ZSCAN18: variants seen among roughly 807,000 people sequenced by gnomAD.
ZSCAN18 encodes zinc finger and SCAN domain-containing protein 18.
In ZSCAN18, 16 loss-of-function variants were observed where a neutral mutation model predicts 31.1. The observed-to-expected ratio is 0.51, with a 90% CI of 0.35 to 0.78. The LOEUF is 0.78. ZSCAN18 is among the 30% of genes least tolerant of loss of function. ZSCAN18 has a pLI of 0.01. For missense variants in ZSCAN18, 731 were observed against 697.4 expected (o/e 1.05, Z -0.54); for synonymous variants, 375 against 320.7 (o/e 1.17, Z -1.81).
upstream of ZSCAN18, among the ~76,000 whole-genome samples, chr19:58,103,075 T>C (rs558471173): frequency 2.0e-5 from 3 of 151,410 alleles, no homozygotes; most frequent in Non-Finnish European, 2.9e-5. Context: ...TGAGCCAAGA[T>C]AGCACCACTG....
chr19:58,112,583 G>A (rs1049921291), intron 1 of ZSCAN18, among the ~76,000 whole-genome samples: 8 of 150,532 alleles, frequency 5.3e-5, no homozygotes, highest in African/African-American at 1.7e-4. Flanking sequence ...CCCAGGAGGC[G>A]GAGATTGCAG....
At chr19:58,104,946 G>C (rs188415) in intron 1 of ZSCAN18, among the ~76,000 whole-genome samples, 34,722 of 152,142 alleles carry the variant, frequency 0.23, 4,855 homozygotes, top group African/African-American at 0.4. Context: ...AGAAATGCCA[G>C]GTAGTGTTTT....
At chr19:58,085,504 C>A in intron 6 of ZSCAN18, 125 bp from the exon 7 acceptor site, 2 of 852,168 alleles carry the variant, frequency 2.3e-6, no homozygotes, top group Non-Finnish European at 3.5e-6. Context: ...GCGGGGCTCA[C>A]GGCTGTTTGG....
intron 1 of ZSCAN18, among the ~76,000 whole-genome samples, chr19:58,094,404 C>G (rs2074480552): frequency 1.4e-5 from 2 of 143,660 alleles, no homozygotes; most frequent in Non-Finnish European, 3.1e-5. Flanking sequence ...GAGTGAGACT[C>G]TGTCTCAAAA....
intron 3 of ZSCAN18, chr19:58,087,714 C>T: frequency 3.9e-6 from 1 of 254,424 alleles, no homozygotes; most frequent in Non-Finnish European, 7.7e-6. Context: ...GTGGCATGAT[C>T]TTGGCTCACT....
rs2074220888 is a variant in ZSCAN18, at chr19:58,084,610, G to A, written c.*75C>T. 11 of 1,363,846 alleles carry A rather than the reference G, an allele frequency of 8.1e-6. No individual in the cohort carries two copies. In the South Asian group the frequency reaches 1.1e-4, roughly 13 times the overall value. 84.5% of individuals were successfully genotyped at this position (1,363,846 alleles called of 1,614,324 possible). A position where few individuals can be genotyped will look rare whatever the true frequency, so the allele number is the denominator to read the frequency against. On this transcript the variant is annotated 3_prime_UTR_variant, in exon 7 of 7. Coordinates refer to ENST00000601144, the MANE Select transcript of ZSCAN18 (RefSeq NM_001145543.2). This position sits in a 1 kb window ranked among gnomAD's most constrained non-coding sequence, Gnocchi z 4.5. ...CCACAGGAAGCCGCCACCCAGGGGC[G>A]TGGAAAGGCCCAATGCCTCGTCTGG...
chr19:58,118,267 C>G (rs1304517871), exon 1 of ZSCAN18: 4 of 1,442,406 alleles, frequency 2.8e-6, no homozygotes, highest in Non-Finnish European at 3.7e-6. Context: ...TTGACCCCAC[C>G]CTCACTAGGC....
chr19:58,115,411 CATAA>C (rs1337144672), intron 1 of ZSCAN18, among the ~76,000 whole-genome samples: 2 of 152,132 alleles, frequency 1.3e-5, no homozygotes, highest in African/African-American at 4.8e-5. Flanking sequence ...ATCTGGAAAA[CATAA>C]ATAAGTACAA....
chr19:58,112,097 C>A (rs1186798129), intron 1 of ZSCAN18, among the ~76,000 whole-genome samples: 1 of 152,072 alleles, frequency 6.6e-6, no homozygotes. Flanking sequence ...TGCAGTGGTG[C>A]AATCATGGCT....
At chr19:58,111,523 G>GT (rs755573057) in intron 1 of ZSCAN18, among the ~76,000 whole-genome samples, 1 of 150,388 alleles carries the variant, frequency 6.6e-6, no homozygotes, top group Non-Finnish European at 1.5e-5. Flanking sequence ...TTATAAAGTT[G>GT]TTTTTTTGTT....
At position 58,090,594 on chromosome 19, in the gene ZSCAN18, A is replaced by ATT; in HGVS notation, c.-119-210_-119-209dup. On this transcript the variant is annotated intron_variant, in intron 1 of 6. Transcript: ENST00000601144. This position sits in a 1 kb window ranked among gnomAD's most constrained non-coding sequence, Gnocchi z 4.7. The stretch of plus-strand genomic sequence containing the variant: ...GTAACTCATTCTGTGCATTACCAGA[A>ATT]TTTTTTTTTCTTTGAGACCGAGTCA... 2.2e-6 allele frequency: 1 copy of ATT among 455,810 alleles called. No individual in the cohort carries two copies. Among genetic ancestry groups the ATT allele is most frequent in the Non-Finnish European group, 3.8e-6 (1 of 266,182 alleles). The allele number at this position is 455,810 out of a possible 1,614,324, so 28.2% of individuals were successfully genotyped here.
chr19:58,108,577 C>A, intron 1 of ZSCAN18: 1 of 985,918 alleles, frequency 1.0e-6, no homozygotes, highest in Non-Finnish European at 1.2e-6. Context: ...GGATTTTCCA[C>A]AGTCATTACA....
intron 1 of ZSCAN18, among the ~76,000 whole-genome samples, chr19:58,113,564 G>A (rs572499956): frequency 6.6e-6 from 1 of 152,130 alleles, no homozygotes; most frequent in Non-Finnish European, 1.5e-5. Context: ...CCTTATTTAG[G>A]AACAGGGGAG....
chr19:58,098,249 T>G (rs111396528), upstream of ZSCAN18: 2,937 of 985,494 alleles, frequency 3.0e-3, 56 homozygotes, highest in African/African-American at 0.047. Context: ...AAACTGCGCC[T>G]GCGCACTGGG....
chr19:58,094,551 A>C (rs917102679), intron 1 of ZSCAN18, among the ~76,000 whole-genome samples: 1 of 152,190 alleles, frequency 6.6e-6, no homozygotes, highest in South Asian at 2.1e-4. Context: ...GTGCGTACCC[A>C]CAGGTTTGGC....
upstream of ZSCAN18, among the ~76,000 whole-genome samples, chr19:58,100,790 G>A (rs1372030183): frequency 3.9e-5 from 6 of 151,902 alleles, no homozygotes; most frequent in Non-Finnish European, 8.8e-5. Flanking sequence ...GGCTGAGGCA[G>A]CTTGAAACTG....
At chr19:58,103,625 G>A (rs1171703087) in intron 1 of ZSCAN18, among the ~76,000 whole-genome samples, 3 of 152,140 alleles carry the variant, frequency 2.0e-5, no homozygotes, top group Non-Finnish European at 2.9e-5. Context: ...TCGCTGGTAC[G>A]CACTCTCTCT....
At chr19:58,101,594 A>G (rs1473217336), upstream of ZSCAN18, among the ~76,000 whole-genome samples, 1 of 147,978 alleles carries the variant, frequency 6.8e-6, no homozygotes, top group Non-Finnish European at 1.5e-5. Context: ...ATTTCAGCTC[A>G]CTGTAAACTC....
chr19:58,100,160 G>A (rs2074581599), upstream of ZSCAN18, among the ~76,000 whole-genome samples: 1 of 151,646 alleles, frequency 6.6e-6, no homozygotes. Flanking sequence ...TCACTATAAT[G>A]CTAAGGCTGG....
Sources: gnomAD v4.1 joint callset for allele counts (sites outside exome capture counted in the v4.1 genomes callset) on GRCh38, gnomAD v4.1.1 for gene constraint, Gnocchi (gnomAD v3.1) non-coding constraint, MANE v1.5 for transcripts, NCBI Gene and HGNC (gene_info 2026-07-23, HGNC 2026-07-21) for gene names.